The following ACBD6 variants were observed in gnomAD, a reference collection of about 807,000 sequenced individuals.
ACBD6 encodes the protein acyl-CoA binding domain containing 6.
Under a neutral mutation model 37.2 loss-of-function variants are expected in ACBD6, and 28 were observed. That is an observed-to-expected ratio of 0.75 (90% CI 0.56 to 1.03). The LOEUF is 1.03. Ranked by LOEUF, ACBD6 falls within the 50% of genes least tolerant of loss-of-function variation. ACBD6 has a pLI of 0.00. For missense variants in ACBD6, 340 were observed against 337.4 expected (o/e 1.01, Z -0.06); for synonymous variants, 113 against 126.8 (o/e 0.89, Z 0.73).
At chr1:180,393,954 T>C (rs1318684438) in intron 6 of ACBD6, among the ~76,000 whole-genome samples, 1 of 152,246 alleles carries the variant, frequency 6.6e-6, no homozygotes, top group African/African-American at 2.4e-5. Context: ...AAGCCACCTA[T>C]AGTTTTTGGA....
intron 9 of ACBD6, chr1:180,276,691 C>T (rs949152610): frequency 1.3e-5 from 2 of 152,278 alleles, no homozygotes; most frequent in South Asian, 4.1e-4. Context: ...GGAGAAAAGG[C>T]TCTGCTGGGC....
intron 3 of ACBD6, among the ~76,000 whole-genome samples, chr1:180,450,408 T>G: frequency 6.6e-6 from 1 of 152,146 alleles, no homozygotes; most frequent in East Asian, 1.9e-4. Flanking sequence ...AGAACAATTT[T>G]AGAAATCAGA....
At chr1:180,352,458 G>A (rs1280020464) in intron 6 of ACBD6, among the ~76,000 whole-genome samples, 1 of 151,922 alleles carries the variant, frequency 6.6e-6, no homozygotes, top group Non-Finnish European at 1.5e-5. Flanking sequence ...CGAAAAGCTG[G>A]GATTACAGGT....
chr1:180,464,237 AG>A (rs1212167640), intron 3 of ACBD6, among the ~76,000 whole-genome samples: 1 of 152,224 alleles, frequency 6.6e-6, no homozygotes, highest in Admixed American at 6.5e-5. Context: ...ATAGTATGAG[AG>A]GAAGTCAAAC....
intron 3 of ACBD6, among the ~76,000 whole-genome samples, chr1:180,438,548 G>A (rs928817146): frequency 3.3e-5 from 5 of 152,016 alleles, no homozygotes; most frequent in Admixed American, 1.3e-4. Flanking sequence ...TAAGAGTTAC[G>A]TGGTAGTTCA....
intron 3 of ACBD6, chr1:180,435,212 T>G (rs1197465812): frequency 1.5e-6 from 1 of 685,384 alleles, no homozygotes; most frequent in Non-Finnish European, 2.7e-6. Flanking sequence ...TCTGGGGTAC[T>G]CTGGTGCTGG....
At position 180,307,537 on chromosome 1, in the gene ACBD6, T is replaced by C. The variant is rs115557018; in HGVS notation, c.694+7155A>G. On this transcript the variant is annotated intron_variant, in intron 7 of 7. Transcript: ENST00000367595. ...ATTAGATTGTTTGTAACACAAAGGA[T>C]AAATGCTTGAGGGAATGGACACCCC... is the stretch of plus-strand genomic sequence containing the variant. Among the ~76,000 whole-genome samples the C allele has an allele frequency of 3.9e-3, 590 of 152,332 alleles. 2 individuals carry two copies. The highest frequency in any genetic ancestry group is 0.027 in the Middle Eastern group (8 of 294).
intron 6 of ACBD6, among the ~76,000 whole-genome samples, chr1:180,393,436 G>T (rs961048876): frequency 4.6e-5 from 7 of 152,152 alleles, no homozygotes; most frequent in African/African-American, 1.7e-4. Context: ...TCAGATAGCT[G>T]ATAACATCAG....
chr1:180,471,502 G>T (rs996605786), intron 3 of ACBD6, among the ~76,000 whole-genome samples: 1 of 151,998 alleles, frequency 6.6e-6, no homozygotes, highest in Non-Finnish European at 1.5e-5. Context: ...GAGAAAAAGA[G>T]GTTTAATTGG....
At chr1:180,278,834 A>AAAAG (rs2149272287) in intron 9 of ACBD6, 1 of 149,868 alleles carries the variant, frequency 6.7e-6, no homozygotes, top group East Asian at 1.9e-4. Context: ...AAAAAAGAAA[A>AAAAG]AAAGAAAAAA....
chr1:180,394,107 T>A (rs1458161180), intron 6 of ACBD6, among the ~76,000 whole-genome samples: 1 of 152,198 alleles, frequency 6.6e-6, no homozygotes, highest in African/African-American at 2.4e-5. Flanking sequence ...TTGTTGTTTT[T>A]TAGAGACAGG....
chr1:180,307,791 C>T (rs1219779489), intron 7 of ACBD6, among the ~76,000 whole-genome samples: 2 of 152,156 alleles, frequency 1.3e-5, no homozygotes, highest in Non-Finnish European at 2.9e-5. Flanking sequence ...CCCGTCTCTA[C>T]TAAAAATACA....
At position 180,482,890 on chromosome 1, in the gene ACBD6, T is replaced by C. The variant is rs1191196645; in HGVS notation, c.384+9379A>G. Among the ~76,000 whole-genome samples the C allele has an allele frequency of 3.9e-5, 6 of 152,326 alleles. No homozygotes were observed. The South Asian group carries it at 6.2e-4, about 16-fold the overall frequency. On this transcript the variant is annotated intron_variant, in intron 3 of 7. Transcript: ENST00000367595. ...AGTGTGTGGGGCAAGGTACTTGTTCTAAAAGTTTCATTTTATACTCTTCCA... is the reference window on the plus strand; with the variant it reads ...AGTGTGTGGGGCAAGGTACTTGTTCCAAAAGTTTCATTTTATACTCTTCCA...
At chr1:180,281,792 G>A (rs1649322753) in intron 8 of ACBD6, among the ~76,000 whole-genome samples, 1 of 152,054 alleles carries the variant, frequency 6.6e-6, no homozygotes, top group African/African-American at 2.4e-5. Context: ...TATAAAATGG[G>A]GCCAAATCAT....
chr1:180,430,522 C>T (rs1188623757), intron 3 of ACBD6, among the ~76,000 whole-genome samples: 1 of 151,984 alleles, frequency 6.6e-6, no homozygotes, highest in Non-Finnish European at 1.5e-5. Flanking sequence ...AAACAATTCT[C>T]CTAGCTGACT....
chr1:180,294,852 T>C (rs1201515801), intron 7 of ACBD6, among the ~76,000 whole-genome samples: 2 of 151,912 alleles, frequency 1.3e-5, no homozygotes, highest in African/African-American at 4.8e-5. Flanking sequence ...CAAACAACTA[T>C]GCCTGGCATG....
chr1:180,295,903 A>T (rs1420701107), intron 7 of ACBD6, among the ~76,000 whole-genome samples: 1 of 152,174 alleles, frequency 6.6e-6, no homozygotes, highest in Admixed American at 6.5e-5. Context: ...CTTTTACTCA[A>T]GTAAAAGGAA....
At chr1:180,436,375 A>G (rs188052178) in intron 3 of ACBD6, among the ~76,000 whole-genome samples, 1 of 152,276 alleles carries the variant, frequency 6.6e-6, no homozygotes, top group African/African-American at 2.4e-5. Context: ...GATTTTTTTT[A>G]GACATATCTT....
chr1:180,306,391 A>G (rs1435700884), intron 7 of ACBD6, among the ~76,000 whole-genome samples: 1 of 152,180 alleles, frequency 6.6e-6, no homozygotes, highest in East Asian at 1.9e-4. Flanking sequence ...CCATGTAACT[A>G]GCACATATCA....
Sources: allele counts gnomAD v4.1 joint callset (sites outside exome capture counted in the v4.1 genomes callset), GRCh38; gene constraint gnomAD v4.1.1; transcripts MANE v1.5; gene names NCBI Gene and HGNC (gene_info 2026-07-23, HGNC 2026-07-21).